The following SENP1 variants were observed in gnomAD, a reference collection of about 807,000 sequenced individuals.
SENP1 encodes the protein SUMO specific peptidase 1, also known as sentrin-specific protease 1.
A neutral mutation model predicts 93.0 loss-of-function variants in SENP1; 21 were observed. The ratio of observed to expected loss-of-function variants is 0.23; its 90% CI spans 0.16 to 0.33. The LOEUF (loss-of-function observed/expected upper bound fraction) is 0.33. Ranked by LOEUF, SENP1 falls within the 10% of genes least tolerant of loss-of-function variation. The probability of loss-of-function intolerance (pLI) is 1.00; values close to 1 mark genes in which losing one functional copy is unlikely to be tolerated. For missense variants in SENP1, 591 were observed against 758.7 expected, an observed-to-expected ratio of 0.78 and a Z score of 2.60; for synonymous variants, 256 against 259.6, an observed-to-expected ratio of 0.99 and a Z score of 0.13.
intron 13 of SENP1, among the ~76,000 whole-genome samples, chr12:48,057,525 C>T (rs532352296): frequency 4.7e-4 from 68 of 145,412 alleles, no homozygotes; most frequent in African/African-American, 1.5e-3. Context: ...CCACTGCGCC[C>T]GACCTGTATT....
intron 4 of SENP1, among the ~76,000 whole-genome samples, chr12:48,095,600 T>C (rs962622211): frequency 2.7e-5 from 4 of 147,808 alleles, no homozygotes; most frequent in Non-Finnish European, 5.9e-5. Flanking sequence ...GGTATTCCCA[T>C]ATTGTGGTAA....
chr12:48,048,262 A>G (rs1427541125), intron 14 of SENP1, among the ~76,000 whole-genome samples, 182 bp from the exon 15 acceptor site: 1 of 152,244 alleles, frequency 6.6e-6, no homozygotes, highest in Non-Finnish European at 1.5e-5. Context: ...GGTTATTTAC[A>G]TAAAACTATG....
intron 1 of SENP1, 140 bp downstream of exon 1, chr12:48,105,888 G>A: frequency 1.6e-6 from 1 of 618,172 alleles, no homozygotes; most frequent in South Asian, 1.9e-5. Flanking sequence ...AGGGGGCGGG[G>A]CAGAGGAAAA....
At chr12:48,093,071 A>C (rs1945314378) in intron 4 of SENP1, among the ~76,000 whole-genome samples, 1 of 152,186 alleles carries the variant, frequency 6.6e-6, no homozygotes, top group South Asian at 2.1e-4. Flanking sequence ...TTCTATATCC[A>C]AATTTTAAAT....
Position 48,074,389 on chromosome 12 carries a change from GGAT to G in SENP1, c.872_874del (p.His291del). 6.2e-7 allele frequency: 1 copy of G among 1,613,730 alleles called. No individual in the cohort carries two copies. Among genetic ancestry groups the G allele is most frequent in the South Asian group, 1.1e-5 (1 of 91,074 alleles). On this transcript the variant is annotated inframe_deletion, in exon 8 of 18. Coordinates refer to ENST00000549518, the MANE Select transcript of SENP1 (RefSeq NM_001267594.2). ...ATGTGGAACAGAGTGGTGATGATGG[GGAT>G]GATGAAGAGTACCAGAATCTTTGGA...
At position 48,066,860 on chromosome 12, in the gene SENP1, T is replaced by C. The variant is rs937509458; in HGVS notation, c.1034+67A>G. The stretch of plus-strand genomic sequence containing the variant: ...AAAAATAAGCAGGATGATTAGCTAA[T>C]TGTTTGATTTCTTCTAACTAAAAAT... On this transcript the variant is annotated intron_variant, in intron 10 of 17. Coordinates refer to ENST00000549518, the MANE Select transcript of SENP1 (RefSeq NM_001267594.2). 4.0e-6 allele frequency: 5 copies of C among 1,243,522 alleles called. No individual in the cohort carries two copies. In the African/African-American group the frequency reaches 6.0e-5, roughly 15 times the overall value. 77.0% of individuals were successfully genotyped at this position (1,243,522 alleles called of 1,614,324 possible). A position where few individuals can be genotyped will look rare whatever the true frequency, so the allele number is the denominator to read the frequency against.
At chr12:48,091,748 G>A (rs966675955) in intron 4 of SENP1, among the ~76,000 whole-genome samples, 1 of 151,936 alleles carries the variant, frequency 6.6e-6, no homozygotes, top group Non-Finnish European at 1.5e-5. Flanking sequence ...GCACCATCAT[G>A]GCTCACTGCA....
Position 48,088,797 on chromosome 12 carries a change from G to C in SENP1, c.380+4C>G, listed in dbSNP as rs766448864. 6.2e-7 allele frequency: 1 copy of C among 1,608,028 alleles called. No homozygotes were observed. The highest frequency in any genetic ancestry group is 1.7e-5 in the Admixed American group (1 of 59,172). On this transcript the variant is annotated splice_donor_region_variant and intron_variant, in intron 5 of 17. Coordinates refer to ENST00000549518, the MANE Select transcript of SENP1 (RefSeq NM_001267594.2). The stretch of plus-strand genomic sequence containing the variant: ...CTTGAGAACTAAGATGACAAAATAC[G>C]AACCTTGAGGTCTTTCGGGTTTCGA...
intron 5 of SENP1, among the ~76,000 whole-genome samples, chr12:48,086,379 T>C (rs1592434248): frequency 6.6e-6 from 1 of 152,214 alleles, no homozygotes; most frequent in East Asian, 1.9e-4. Flanking sequence ...TATTATCAGG[T>C]ATTAGCAAAT....
chr12:48,099,796 G>A (rs1387260835), intron 2 of SENP1, among the ~76,000 whole-genome samples: 1 of 152,206 alleles, frequency 6.6e-6, no homozygotes, highest in Non-Finnish European at 1.5e-5. Context: ...GCAAGAGAGT[G>A]AGACCCTGTC....
intron 13 of SENP1, among the ~76,000 whole-genome samples, chr12:48,056,346 C>T (rs182075612): frequency 0.24 from 19,924 of 84,018 alleles, 2,300 homozygotes; most frequent in African/African-American, 0.34. Context: ...TAATATATTA[C>T]ATATAATATA....
At chr12:48,104,147 G>C (rs1296655607) in intron 1 of SENP1, among the ~76,000 whole-genome samples, 1 of 151,528 alleles carries the variant, frequency 6.6e-6, no homozygotes, top group Non-Finnish European at 1.5e-5. Context: ...GGAGGCGGAG[G>C]TTGCAGTGAG....
intron 4 of SENP1, among the ~76,000 whole-genome samples, chr12:48,095,067 G>A (rs1945464307): frequency 6.6e-6 from 1 of 151,972 alleles, no homozygotes; most frequent in African/African-American, 2.4e-5. Flanking sequence ...CAGTGCCCAG[G>A]GCAGATAAAG....
intron 3 of SENP1, among the ~76,000 whole-genome samples, chr12:48,096,795 G>A (rs1355041101): frequency 6.6e-6 from 1 of 151,960 alleles, no homozygotes; most frequent in African/African-American, 2.4e-5. Context: ...CATATACTAG[G>A]AAAAATATAT....
At position 48,065,076 on chromosome 12, in the gene SENP1, C is replaced by T. The variant is rs1943206979; in HGVS notation, c.1264G>A (p.Glu422Lys). Residue 422 changes from glutamate to lysine, a missense_variant, in exon 12 of 18, where the codon GAA becomes AAA. Physicochemically the swap from Glu to Lys is moderately conservative, Grantham distance 56 (BLOSUM62 1). Coordinates refer to ENST00000549518, the MANE Select transcript of SENP1 (RefSeq NM_001267594.2). ...TGTATGTAACTTACCTCTGTAATTT[C>T]AGGAAATTCATCTTCACTATCAGTT... ...KLTDSEDEFP[E>K]ITEEMEKEIK... The T allele has an allele frequency of 1.9e-6, 3 of 1,594,444 alleles. No individual in the cohort carries two copies. Among genetic ancestry groups the T allele is most frequent in the Non-Finnish European group, 2.6e-6 (3 of 1,162,612 alleles).
At chr12:48,079,642 T>C (rs1944372299) in intron 6 of SENP1, among the ~76,000 whole-genome samples, 1 of 152,158 alleles carries the variant, frequency 6.6e-6, no homozygotes, top group African/African-American at 2.4e-5. Context: ...AAATAATTAA[T>C]TAAGGTGCTG....
rs143360136 is a variant in SENP1, at chr12:48,072,425, C to T, written c.941-704G>A. On this transcript the variant is annotated intron_variant, in intron 8 of 17. Coordinates refer to ENST00000549518, the MANE Select transcript of SENP1 (RefSeq NM_001267594.2). The stretch of plus-strand genomic sequence containing the variant: ...AAGCCGTAAAAAGTGCTTCCCCAGC[C>T]TGGCCAACATGGTGAAACCTGTCTC... Among the ~76,000 whole-genome samples the T allele has an allele frequency of 5.6e-3, 859 of 152,276 alleles. 7 individuals carry two copies. Among genetic ancestry groups the T allele is most frequent in the African/African-American group, 0.019 (803 of 41,558 alleles).
At chr12:48,046,554 T>C in intron 16 of SENP1, 103 bp from the exon 17 acceptor site, 1 of 845,262 alleles carries the variant, frequency 1.2e-6, no homozygotes. Context: ...TTTCTCTAAA[T>C]TACAAACAGA....
chr12:48,046,172 T>C (rs1295168326), intron 17 of SENP1, among the ~76,000 whole-genome samples, 184 bp downstream of exon 17: 1 of 152,188 alleles, frequency 6.6e-6, no homozygotes, highest in African/African-American at 2.4e-5. Context: ...ACGTGGCTTA[T>C]CACTAATTTT....
Sources: allele counts gnomAD v4.1 joint callset (sites outside exome capture counted in the v4.1 genomes callset), GRCh38; gene constraint gnomAD v4.1.1; transcripts MANE v1.5; gene names NCBI Gene and HGNC (gene_info 2026-07-23, HGNC 2026-07-21).